CNN2: variants seen among roughly 807,000 people sequenced by gnomAD.
The protein encoded by CNN2 is calponin-2.
A neutral mutation model predicts 31.0 loss-of-function variants in CNN2; 21 were observed. The observed-to-expected ratio is 0.68, with a 90% CI of 0.48 to 0.98. The LOEUF (loss-of-function observed/expected upper bound fraction) is 0.98, where lower values mean the gene tolerates loss of function less well. Among genes scored for constraint, CNN2 ranks in the 50% least tolerant of loss-of-function variants. The probability of loss-of-function intolerance (pLI) is 0.00; values close to 1 mark genes in which losing one functional copy is unlikely to be tolerated. For missense variants in CNN2, 399 were observed against 427.3 expected (o/e 0.93, Z 0.58); for synonymous variants, 165 against 179.6 (o/e 0.92, Z 0.65).
chr19:1,036,260 C>G lies in CNN2; in HGVS notation c.507+14C>G. 6.4e-7 allele frequency: 1 copy of G among 1,568,962 alleles called. No homozygotes were observed. Among genetic ancestry groups the G allele is most frequent in the East Asian group, 2.3e-5 (1 of 44,286 alleles). Reference sequence around the variant, plus strand: ...ATCGGGCTGCAGGTGGGCGACAGCTCCCCCAGCCCCAGGGACCACGGCATT... The same window carrying G: ...ATCGGGCTGCAGGTGGGCGACAGCTGCCCCAGCCCCAGGGACCACGGCATT... On this transcript the variant is annotated intron_variant, in intron 5 of 6. Transcript: ENST00000263097.
chr19:1,032,585 G>A lies in CNN2; in HGVS notation c.279G>A (p.Lys93=). 2.5e-6 allele frequency: 4 copies of A among 1,613,316 alleles called. No individual in the cohort carries two copies. Among genetic ancestry groups the A allele is most frequent in the South Asian group, 1.1e-5 (1 of 91,064 alleles). ...HQLENLSNFI[K]AMVSYGMNPV... is the part of the protein sequence containing the mutation. ...TAGAAAACCTGTCCAACTTCATCAA[G>A]GCCATGGTCAGCTACGGCATGAACC... The change falls in exon 4 of 7, where the codon AAG becomes AAA. Residue 93 remains lysine (K), a synonymous_variant. Transcript: ENST00000263097.
chr19:1,033,022 G>A (rs1186919628), intron 4 of CNN2: 6 of 265,436 alleles, frequency 2.3e-5, no homozygotes, highest in Non-Finnish European at 3.8e-5. Context: ...CAGGTGATCC[G>A]CCCGCCTCGG....
rs149470871 is a variant in CNN2 at position 1,033,463 on chromosome 19, T to C, written c.390+767T>C. Among the ~76,000 whole-genome samples, 213 of 152,322 alleles carry C rather than the reference T, an allele frequency of 1.4e-3. 4 individuals carry two copies. The East Asian group carries it at 0.03, about 21-fold the overall frequency. On this transcript the variant is annotated intron_variant, in intron 4 of 6. Transcript: ENST00000263097. ...TTGCAGTGAGCTATGACCACACCAC[T>C]GCTCTCCAGCCTGGGCAACAGAGCA...
At chr19:1,031,234 A>G (rs1178416038) in intron 2 of CNN2, 42 bp downstream of exon 2, 9 of 1,451,252 alleles carry the variant, frequency 6.2e-6, no homozygotes, top group Non-Finnish European at 8.3e-6. Flanking sequence ...CACTTAACAA[A>G]TCTTGGTTTT....
At chr19:1,031,963 C>T (rs900688581) in intron 2 of CNN2, among the ~76,000 whole-genome samples, 1 of 151,950 alleles carries the variant, frequency 6.6e-6, no homozygotes, top group African/African-American at 2.4e-5. Context: ...GGGATGGTGG[C>T]TCACGCTTGT....
chr19:1,030,299 A>T (rs2039466167), intron 1 of CNN2, among the ~76,000 whole-genome samples: 1 of 152,174 alleles, frequency 6.6e-6, no homozygotes, highest in African/African-American at 2.4e-5. Flanking sequence ...AGAGGCGGTC[A>T]GCCTCGGGGG....
intron 6 of CNN2, 119 bp downstream of exon 6, chr19:1,036,681 T>C: frequency 1.6e-6 from 2 of 1,270,868 alleles, no homozygotes; most frequent in Non-Finnish European, 1.1e-6. Context: ...GCCCCTTCCC[T>C]AGACCACCTC....
intron 1 of CNN2, chr19:1,026,965 C>CA: frequency 4.1e-6 from 2 of 491,836 alleles, no homozygotes; most frequent in East Asian, 3.8e-5. Flanking sequence ...CATTCCCCCC[C>CA]CCAACATCTA....
At chr19:1,030,453 C>T (rs1294792166) in intron 1 of CNN2, among the ~76,000 whole-genome samples, 2 of 151,956 alleles carry the variant, frequency 1.3e-5, no homozygotes, top group East Asian at 3.9e-4. Flanking sequence ...GGTGAAACCC[C>T]GTCTCTATTA....
At position 1,037,888 on chromosome 19, in the gene CNN2, G is replaced by A. The variant is rs767701115; in HGVS notation, c.918G>A (p.Glu306=). The stretch of plus-strand genomic sequence containing the variant: ...AATATCCCCCTTACTACCAGGAGGA[G>A]GCCGGCTACTGAGGCTCCCAGCACG... The part of the protein sequence containing the change: ...VPEYPPYYQE[E]AGY The change falls in exon 7 of 7, where the codon GAG becomes GAA. Residue 306 remains glutamate (E), a synonymous_variant. Transcript: ENST00000263097. The A allele has an allele frequency of 6.3e-7, 1 of 1,580,318 alleles. No individual in the cohort carries two copies. Among genetic ancestry groups the A allele is most frequent in the Non-Finnish European group, 8.6e-7 (1 of 1,158,864 alleles).
intron 2 of CNN2, 138 bp from the exon 3 acceptor site, chr19:1,032,254 G>GTT: frequency 1.2e-6 from 1 of 822,084 alleles, no homozygotes; most frequent in Non-Finnish European, 1.9e-6. Context: ...AAAAAAAAGA[G>GTT]TGGAAACTGA....
chr19:1,037,472 G>A (rs1235681858), intron 6 of CNN2, 153 bp from the exon 7 acceptor site: 28 of 919,648 alleles, frequency 3.0e-5, no homozygotes, highest in Admixed American at 1.2e-4. Context: ...GGGTTTCACC[G>A]TGTTGGCCAG....
chr19:1,035,648 C>T (rs556469703), intron 4 of CNN2, among the ~76,000 whole-genome samples: 11 of 152,270 alleles, frequency 7.2e-5, no homozygotes, highest in South Asian at 4.1e-4. Context: ...ATGGGCTGGG[C>T]GCGGTGGCTC....
intron 2 of CNN2, 117 bp downstream of exon 2, chr19:1,031,309 A>G: frequency 3.0e-6 from 1 of 332,554 alleles, no homozygotes; most frequent in Non-Finnish European, 4.1e-6. Flanking sequence ...CATGCCTGTA[A>G]TCCCAGCACT....
rs1184979778 is a variant in CNN2, at chr19:1,037,714, G to A, written c.744G>A (p.Gln248=). The part of the protein sequence containing the change: ...DKCDNSSMSL[Q]MGYTQGANQS... ...GTGACAACTCCTCCATGTCCCTGCAGATGGGCTACACGCAGGGCGCCAACC... is the reference window on the plus strand; with the variant it reads ...GTGACAACTCCTCCATGTCCCTGCAAATGGGCTACACGCAGGGCGCCAACC... The change falls in exon 7 of 7, where the codon CAG becomes CAA. Residue 248 remains glutamine, a synonymous_variant. Coordinates refer to ENST00000263097, the MANE Select transcript of CNN2 (RefSeq NM_004368.4). 2 of 1,611,672 alleles carry A rather than the reference G, an allele frequency of 1.2e-6. No homozygotes were observed. Among genetic ancestry groups the A allele is most frequent in the East Asian group, 4.5e-5 (2 of 44,892 alleles).
At chr19:1,030,191 C>A (rs138963065) in intron 1 of CNN2, among the ~76,000 whole-genome samples, 43 of 152,282 alleles carry the variant, frequency 2.8e-4, no homozygotes, top group African/African-American at 1.0e-3. Flanking sequence ...GCCCATTCCC[C>A]ACGGCGGTGT....
chr19:1,036,476 C>T lies in CNN2; in HGVS notation c.568C>T (p.Leu190Phe). The change falls in exon 6 of 7, where the codon CTC (leucine) becomes TTC (phenylalanine). Residue 190 changes from leucine (L) to phenylalanine (F), a missense_variant. Coordinates refer to ENST00000263097, the MANE Select transcript of CNN2 (RefSeq NM_004368.4). Reference protein sequence around the residue: ...GMTAYGTRRHLYDPKNHILPP... With the variant: ...GMTAYGTRRHFYDPKNHILPP... ...GACTGCCTACGGCACGAGAAGGCAT[C>T]TCTATGACCCCAAGAACCATATCCT... The T allele has an allele frequency of 6.2e-7, 1 of 1,613,142 alleles. No individual in the cohort carries two copies. The highest frequency in any genetic ancestry group is 1.3e-5 in the African/African-American group (1 of 75,050).
chr19:1,032,413 G>A lies in CNN2; in HGVS notation c.207G>A (p.Pro69=), dbSNP rs201277048. Residue 69 remains proline, a synonymous_variant, in exon 3 of 7, where the codon CCG becomes CCA. Transcript: ENST00000263097. ...CCAGACTCATGAACAAGCTACAGCC[G>A]GGCTCCGTCCCCAAGATCAACCGCT... ...ILCTLMNKLQ[P]GSVPKINRSM... is the part of the protein sequence containing the mutation. The A allele has an allele frequency of 2.6e-5, 42 of 1,613,626 alleles. No individual in the cohort carries two copies. The highest frequency in any genetic ancestry group is 1.3e-4 in the Admixed American group (8 of 60,016).
intron 6 of CNN2, chr19:1,036,964 C>T (rs2039599857): frequency 3.5e-6 from 1 of 283,108 alleles, no homozygotes; most frequent in South Asian, 3.2e-5. Flanking sequence ...AGAGATTCTC[C>T]TTCCTGCCTC....
Sources: allele counts gnomAD v4.1 joint callset (sites outside exome capture counted in the v4.1 genomes callset), GRCh38; gene constraint gnomAD v4.1.1; transcripts MANE v1.5; gene names NCBI Gene and HGNC (gene_info 2026-07-23, HGNC 2026-07-21).